The following HMGXB4 variants were observed in gnomAD, a reference collection of about 807,000 sequenced individuals.
HMGXB4 encodes the protein HMG domain-containing protein 4.
HMGXB4 carries 27 observed loss-of-function variants against 63.9 expected under a neutral mutation model. The observed-to-expected ratio is 0.42, with a 90% confidence interval of 0.31 to 0.58. HMGXB4 has a LOEUF of 0.58. HMGXB4 is among the 20% of genes least tolerant of loss of function. HMGXB4 has a pLI of 0.13. For synonymous variants in HMGXB4, 264 were observed against 265.3 expected (o/e 0.99, Z 0.05); for missense variants, 624 against 700.7 (o/e 0.89, Z 1.24).
At chr22:35,244,466 T>G in the HMGXB4 span, among the ~76,000 whole-genome samples, 2 of 152,134 alleles carry the variant, frequency 1.3e-5, no homozygotes, top group Non-Finnish European at 2.9e-5. Context: ...AAAACAAAAT[T>G]TATTCAAAGA....
At chr22:35,268,040 C>T (rs368592704) in intron 5 of HMGXB4, among the ~76,000 whole-genome samples, 23 of 152,318 alleles carry the variant, frequency 1.5e-4, no homozygotes, top group East Asian at 1.4e-3. Flanking sequence ...GCCAAGATCA[C>T]GCCACTGCAG....
At chr22:35,286,993 T>C (rs1344036620) in intron 7 of HMGXB4, 1 of 181,960 alleles carries the variant, frequency 5.5e-6, no homozygotes, top group African/African-American at 2.3e-5. Flanking sequence ...GTTATTGTTA[T>C]TCTGCTATTG....
intron 5 of HMGXB4, among the ~76,000 whole-genome samples, chr22:35,283,746 C>T (rs1261347385): frequency 6.6e-6 from 1 of 152,150 alleles, no homozygotes; most frequent in African/African-American, 2.4e-5. Flanking sequence ...GCCAAGATTG[C>T]GCCACTGCAC....
chr22:35,244,178 T>G, the HMGXB4 span, among the ~76,000 whole-genome samples: 1 of 152,182 alleles, frequency 6.6e-6, no homozygotes, highest in African/African-American at 2.4e-5. Context: ...TCTCTAGGAC[T>G]CATGATAGGA....
At chr22:35,241,771 T>G in the HMGXB4 span, among the ~76,000 whole-genome samples, 1 of 152,174 alleles carries the variant, frequency 6.6e-6, no homozygotes, top group Non-Finnish European at 1.5e-5. Flanking sequence ...CTCACAGTAT[T>G]TGGGGTGTCT....
rs979698996 is a variant in HMGXB4, at chr22:35,294,604, A to G, written c.*953A>G. The G allele has an allele frequency of 3.3e-5, 5 of 152,746 alleles. No homozygotes were observed. The highest frequency in any genetic ancestry group is 7.4e-5 in the Non-Finnish European group (5 of 68,022). 9.5% of individuals were successfully genotyped at this position (152,746 alleles called of 1,614,324 possible). A position where few individuals can be genotyped will look rare whatever the true frequency, so the allele number is the denominator to read the frequency against. The stretch of plus-strand genomic sequence containing the variant: ...CATGTAAGTGAATTGCAAAAACAAA[A>G]CAAAACTCACTCTCTTGTAGGTTTA... On this transcript the variant is annotated 3_prime_UTR_variant, in exon 11 of 11. Coordinates refer to ENST00000216106, the MANE Select transcript of HMGXB4 (RefSeq NM_001003681.3).
upstream of HMGXB4, among the ~76,000 whole-genome samples, chr22:35,255,823 T>C (rs1199724200): frequency 6.6e-6 from 1 of 152,210 alleles, no homozygotes; most frequent in Non-Finnish European, 1.5e-5. Flanking sequence ...AGGAAATACA[T>C]CATTAGGGCT....
At chr22:35,275,998 A>C (rs1340438636) in intron 5 of HMGXB4, among the ~76,000 whole-genome samples, 1 of 152,180 alleles carries the variant, frequency 6.6e-6, no homozygotes, top group Non-Finnish European at 1.5e-5. Flanking sequence ...TTTAGAGTGG[A>C]ATTACTGGCC....
the HMGXB4 span, among the ~76,000 whole-genome samples, chr22:35,245,989 G>A: frequency 2.0e-5 from 3 of 152,156 alleles, no homozygotes; most frequent in Non-Finnish European, 4.4e-5. Context: ...ACCCCAACCA[G>A]AACAGGGAGG....
At chr22:35,278,879 A>C in intron 5 of HMGXB4, among the ~76,000 whole-genome samples, 1 of 37,980 alleles carries the variant, frequency 2.6e-5, no homozygotes, top group South Asian at 1.6e-3. Context: ...CATCTCTACA[A>C]AAAAAAAAAA....
At chr22:35,277,549 A>G (rs1923985961) in intron 5 of HMGXB4, among the ~76,000 whole-genome samples, 1 of 152,100 alleles carries the variant, frequency 6.6e-6, no homozygotes, top group East Asian at 1.9e-4. Flanking sequence ...GGGTTTCACC[A>G]TATTGGCCAG....
At position 35,263,823 on chromosome 22, in the gene HMGXB4, G is replaced by A. The variant is rs1224112361; in HGVS notation, c.208G>A (p.Asp70Asn). 1 of 1,613,258 alleles carries A rather than the reference G, an allele frequency of 6.2e-7. No individual in the cohort carries two copies. The highest frequency in any genetic ancestry group is 1.3e-5 in the African/African-American group (1 of 74,864). Reference sequence around the variant, plus strand: ...TAGTGAACTTTACTTCTTGGGGACGGACACACACAAGAAGAAGAGGAAGCA... The same window carrying A: ...TAGTGAACTTTACTTCTTGGGGACGAACACACACAAGAAGAAGAGGAAGCA... ...KDSELYFLGT[D>N]THKKKRKHSS... The change falls in exon 4 of 11, where the codon GAC becomes AAC. Residue 70 changes from aspartate to asparagine, a missense_variant. Physicochemically the swap from Asp to Asn is conservative, Grantham distance 23. This residue lies in a region of HMGXB4 where 472 missense variants were observed against 470.6 expected (regional missense o/e 1.00). Transcript: ENST00000216106.
intron 1 of HMGXB4, among the ~76,000 whole-genome samples, chr22:35,261,167 G>GT (rs1223396277): frequency 3.3e-5 from 5 of 152,182 alleles, no homozygotes; most frequent in Non-Finnish European, 7.3e-5. Context: ...GCTGGGCGCG[G>GT]TGGCTCACGC....
chr22:35,282,409 G>A (rs527252782), intron 5 of HMGXB4, among the ~76,000 whole-genome samples: 7 of 152,138 alleles, frequency 4.6e-5, no homozygotes, highest in East Asian at 1.9e-4. Context: ...TGATCTGCCC[G>A]CCTTGGCCTC....
intron 1 of HMGXB4, among the ~76,000 whole-genome samples, chr22:35,260,119 A>G (rs139985235): frequency 3.9e-5 from 6 of 152,372 alleles, no homozygotes; most frequent in African/African-American, 9.6e-5. Context: ...AAGGCCTGTT[A>G]TAAGTCTCAG....
upstream of HMGXB4, chr22:35,257,323 G>A (rs1371052627): frequency 6.6e-6 from 1 of 152,610 alleles, no homozygotes; most frequent in Non-Finnish European, 1.5e-5. Context: ...AGCTTCTAGG[G>A]CAAGGCTGGG....
At chr22:35,282,591 T>G (rs758552830) in intron 5 of HMGXB4, among the ~76,000 whole-genome samples, 2 of 152,228 alleles carry the variant, frequency 1.3e-5, no homozygotes, top group Non-Finnish European at 2.9e-5. Context: ...TTTGTTAGAT[T>G]AAGATTATTA....
intron 9 of HMGXB4, among the ~76,000 whole-genome samples, chr22:35,289,208 C>T (rs1924784241): frequency 6.6e-6 from 1 of 151,928 alleles, no homozygotes; most frequent in African/African-American, 2.4e-5. Flanking sequence ...TCTGTAATCC[C>T]AGCAATTTGG....
chr22:35,288,674 CTTATTT>C lies in HMGXB4; in HGVS notation c.1638+276_1638+281del, dbSNP rs561177087. Among the ~76,000 whole-genome samples the C allele has an allele frequency of 1.2e-3, 185 of 152,262 alleles. 1 individual carries two copies. Among genetic ancestry groups the C allele is most frequent in the African/African-American group, 4.3e-3 (180 of 41,554 alleles). ...AAAAAGAAATTGGAGTACCCTGTAA[CTTATTT>C]TTATTTTTTTAAAATGCAGTGGAGG... On this transcript the variant is annotated intron_variant, in intron 9 of 10. Coordinates refer to ENST00000216106, the MANE Select transcript of HMGXB4 (RefSeq NM_001003681.3).
Sources: allele counts gnomAD v4.1 joint callset (sites outside exome capture counted in the v4.1 genomes callset), GRCh38; gene constraint gnomAD v4.1.1; regional missense constraint gnomAD v4.1.1; transcripts MANE v1.5; gene names NCBI Gene and HGNC (gene_info 2026-07-23, HGNC 2026-07-21).